The following ABCC4 variants were observed in gnomAD, a reference collection of about 807,000 sequenced individuals.
ABCC4 encodes the protein ATP binding cassette subfamily C member 4 (PEL blood group).
In ABCC4, 102 loss-of-function variants were observed where a neutral mutation model predicts 168.5. The ratio of observed to expected loss-of-function variants is 0.61; its 90% CI spans 0.52 to 0.71. The LOEUF (loss-of-function observed/expected upper bound fraction) is 0.71, where lower values mean the gene tolerates loss of function less well. Ranked by LOEUF, ABCC4 falls within the 30% of genes least tolerant of loss-of-function variation. The pLI is 0.00. For synonymous variants in ABCC4, 617 were observed against 590.7 expected (o/e 1.04, Z -0.65); for missense variants, 1,402 against 1,605.8 (o/e 0.87, Z 2.17).
intron 19 of ABCC4, among the ~76,000 whole-genome samples, chr13:95,134,420 T>C (rs889958758): frequency 6.6e-6 from 1 of 151,986 alleles, no homozygotes; most frequent in Non-Finnish European, 1.5e-5. Context: ...TCTAGAAAAG[T>C]GTTCTAAGAA....
At chr13:95,096,215 G>A in intron 20 of ABCC4, 1 of 625,470 alleles carries the variant, frequency 1.6e-6, no homozygotes, top group Non-Finnish European at 2.8e-6. Context: ...TCAATGGGCT[G>A]GCAGCAGATT....
chr13:95,282,956 A>C (rs536342412), intron 1 of ABCC4, among the ~76,000 whole-genome samples: 31 of 152,084 alleles, frequency 2.0e-4, no homozygotes, highest in Non-Finnish European at 2.5e-4. Context: ...CAGTGGCTCA[A>C]GCCTGTATCC....
At chr13:95,158,526 T>C (rs1256790747) in intron 19 of ABCC4, among the ~76,000 whole-genome samples, 1 of 152,104 alleles carries the variant, frequency 6.6e-6, no homozygotes, top group Non-Finnish European at 1.5e-5. Flanking sequence ...TCCTAAGTTT[T>C]CTAAAACCTG....
intron 1 of ABCC4, among the ~76,000 whole-genome samples, chr13:95,296,748 G>C (rs187465825): frequency 3.9e-5 from 6 of 152,164 alleles, no homozygotes; most frequent in African/African-American, 1.4e-4. Context: ...GCACCAGGGG[G>C]CAGCAGGACA....
chr13:95,100,595 CCTGT>C (rs1484219973), intron 20 of ABCC4, among the ~76,000 whole-genome samples: 2 of 152,254 alleles, frequency 1.3e-5, no homozygotes, highest in African/African-American at 2.4e-5. Flanking sequence ...CATCAACTGC[CCTGT>C]CTATTAACAA....
intron 25 of ABCC4, among the ~76,000 whole-genome samples, chr13:95,064,283 TATATATATATATATAC>T (rs1371204335): frequency 1.1e-4 from 14 of 122,160 alleles, no homozygotes; most frequent in East Asian, 2.5e-4. Context: ...TATATATATA[TATATATATATATATAC>T]ACACACACAC....
In ABCC4 at chr13:95,053,191, G is replaced by A; in HGVS notation, c.3367-7C>T. ...CAGTGAACAAAACAGGTTCCTAAGT[G>A]CCCAAAATAGTCACGGTCATTACCA... is the stretch of plus-strand genomic sequence containing the variant. On this transcript the variant is annotated splice_polypyrimidine_tract_variant and splice_region_variant and intron_variant, in intron 26 of 30. Transcript: ENST00000645237. 6.2e-7 allele frequency: 1 copy of A among 1,611,538 alleles called. No individual in the cohort carries two copies. Among genetic ancestry groups the A allele is most frequent in the South Asian group, 1.1e-5 (1 of 91,002 alleles).
chr13:95,236,395 A>T (rs2039770936), intron 3 of ABCC4, among the ~76,000 whole-genome samples: 2 of 152,222 alleles, frequency 1.3e-5, no homozygotes, highest in African/African-American at 4.8e-5. Context: ...TAAACACCTG[A>T]CAGGTTTGCC....
At chr13:95,072,024 C>T (rs533327263) in intron 24 of ABCC4, among the ~76,000 whole-genome samples, 171 bp from the exon 25 acceptor site, 1 of 152,286 alleles carries the variant, frequency 6.6e-6, no homozygotes, top group Non-Finnish European at 1.5e-5. Context: ...TGTGTAACAC[C>T]TTCACTTACA....
chr13:95,037,095 A>AC (rs1555303258), intron 29 of ABCC4, among the ~76,000 whole-genome samples: 1 of 150,728 alleles, frequency 6.6e-6, no homozygotes, highest in Non-Finnish European at 1.5e-5. Flanking sequence ...AAAAAAAAAA[A>AC]AAAAAAACCC....
chr13:95,043,514 A>T (rs1238373318), intron 29 of ABCC4, 168 bp downstream of exon 29: 4 of 533,642 alleles, frequency 7.5e-6, no homozygotes, highest in African/African-American at 1.9e-5. Context: ...ATATATTGTT[A>T]GTAGCACTGA....
intron 19 of ABCC4, among the ~76,000 whole-genome samples, chr13:95,130,113 A>C (rs959336863): frequency 7.9e-5 from 12 of 152,100 alleles, no homozygotes; most frequent in Admixed American, 3.9e-4. Flanking sequence ...AACTTAACAG[A>C]AAACTTATCG....
At chr13:95,185,379 G>A (rs978362363) in intron 11 of ABCC4, among the ~76,000 whole-genome samples, 3 of 152,148 alleles carry the variant, frequency 2.0e-5, no homozygotes, top group African/African-American at 4.8e-5. Context: ...TGTCATTTCC[G>A]AAAATGCATC....
In ABCC4 at chr13:95,020,889, T is replaced by A. The variant is rs544498000; in HGVS notation, c.*686A>T. ...ACGGTCACATTTGTGTCCTTCAGTA[T>A]CAAAGCACCTTTAAGGGCTTCCATT... is the stretch of plus-strand genomic sequence containing the variant. On this transcript the variant is annotated 3_prime_UTR_variant, in exon 31 of 31. Coordinates refer to ENST00000645237, the MANE Select transcript of ABCC4 (RefSeq NM_005845.5). 6.6e-6 allele frequency: 1 copy of A among 152,566 alleles called. No homozygotes were observed. Among genetic ancestry groups the A allele is most frequent in the South Asian group, 2.1e-4 (1 of 4,822 alleles). 9.5% of individuals were successfully genotyped at this position (152,566 alleles called of 1,614,324 possible).
At chr13:95,043,877 A>C in intron 28 of ABCC4, 90 bp from the exon 29 acceptor site, 2 of 809,664 alleles carry the variant, frequency 2.5e-6, no homozygotes, top group Non-Finnish European at 3.9e-6. Flanking sequence ...AGAGATTTAA[A>C]AAAAAAAGAT....
intron 29 of ABCC4, among the ~76,000 whole-genome samples, chr13:95,035,933 A>G (rs1271808640): frequency 2.0e-5 from 3 of 152,202 alleles, no homozygotes; most frequent in Non-Finnish European, 4.4e-5. Context: ...AATCGGACAC[A>G]TTTATTAAGC....
intron 19 of ABCC4, among the ~76,000 whole-genome samples, chr13:95,129,987 A>T (rs1202868629): frequency 6.6e-6 from 1 of 152,034 alleles, no homozygotes; most frequent in East Asian, 1.9e-4. Context: ...AGGCAGAAGA[A>T]TCGCTTGAAC....
chr13:95,166,189 G>T lies in ABCC4; in HGVS notation c.2003C>A (p.Ser668Tyr). The change falls in exon 15 of 31, where the codon TCC becomes TAC. Residue 668 changes from serine (S) to tyrosine (Y), a missense_variant. Ser to Tyr is a moderately radical substitution (Grantham distance 144). Coordinates refer to ENST00000645237, the MANE Select transcript of ABCC4 (RefSeq NM_005845.5). ...SVWSQQSSRPSLKDGALESQD... is the reference protein window; with the variant it reads ...SVWSQQSSRPYLKDGALESQD... ...GCTCTCCAGAGCACCATCTTTCAAG[G>T]AGGGTCTAGAAGATTGTTGAGACCA... 1 of 1,614,128 alleles carries T rather than the reference G, an allele frequency of 6.2e-7. No homozygotes were observed. The highest frequency in any genetic ancestry group is 8.5e-7 in the Non-Finnish European group (1 of 1,180,002).
At chr13:95,059,740 G>A (rs1433419493) in intron 26 of ABCC4, among the ~76,000 whole-genome samples, 1 of 152,102 alleles carries the variant, frequency 6.6e-6, no homozygotes, top group Non-Finnish European at 1.5e-5. Flanking sequence ...AGAAGTTAAT[G>A]AGCCAAGTCC....
Sources: gnomAD v4.1 joint callset for allele counts (sites outside exome capture counted in the v4.1 genomes callset) on GRCh38, gnomAD v4.1.1 for gene constraint, MANE v1.5 for transcripts, NCBI Gene and HGNC (gene_info 2026-07-23, HGNC 2026-07-21) for gene names.